CYB5R4: variants seen among roughly 807,000 people sequenced by gnomAD.
The protein encoded by CYB5R4 is cytochrome b5 reductase 4.
In CYB5R4, 55 loss-of-function variants were observed where a neutral mutation model predicts 70.2. The observed-to-expected ratio is 0.78, with a 90% CI of 0.63 to 0.98. CYB5R4 has a LOEUF of 0.98. CYB5R4 is among the 50% of genes least tolerant of loss of function. The pLI is 0.00. For missense variants in CYB5R4, 562 were observed against 612.6 expected, an observed-to-expected ratio of 0.92 and a Z score of 0.87; for synonymous variants, 197 against 199.5, an observed-to-expected ratio of 0.99 and a Z score of 0.11.
intron 9 of CYB5R4, 109 bp downstream of exon 9, chr6:83,922,579 C>A: frequency 1.3e-6 from 1 of 759,562 alleles, no homozygotes; most frequent in Non-Finnish European, 2.2e-6. Context: ...TTTTTCATGT[C>A]TATATTTTCA....
intron 3 of CYB5R4, among the ~76,000 whole-genome samples, chr6:83,901,881 CT>C (rs199730508): frequency 1.5e-4 from 22 of 147,348 alleles, no homozygotes; most frequent in South Asian, 2.2e-4. Context: ...AATGGGATTA[CT>C]TTTTTTTTTA....
chr6:83,949,174 T>C (rs924151499), intron 14 of CYB5R4, among the ~76,000 whole-genome samples: 5 of 149,868 alleles, frequency 3.3e-5, no homozygotes, highest in African/African-American at 1.2e-4. Flanking sequence ...AAAATGACCA[T>C]GCCTGTGTAT....
At chr6:83,897,034 A>G (rs1388092606) in intron 3 of CYB5R4, among the ~76,000 whole-genome samples, 2 of 151,756 alleles carry the variant, frequency 1.3e-5, no homozygotes, top group African/African-American at 2.4e-5. Context: ...ATCATTAGGT[A>G]TATCTCCTAA....
At chr6:83,862,612 G>A (rs1477708321) in intron 1 of CYB5R4, among the ~76,000 whole-genome samples, 1 of 152,206 alleles carries the variant, frequency 6.6e-6, no homozygotes, top group Non-Finnish European at 1.5e-5. Flanking sequence ...AGAACATGGA[G>A]CTAGTACAGT....
At chr6:83,943,466 C>A (rs2099470080) in intron 14 of CYB5R4, among the ~76,000 whole-genome samples, 1 of 151,932 alleles carries the variant, frequency 6.6e-6, no homozygotes, top group African/African-American at 2.4e-5. Context: ...CAAAGGTCAC[C>A]AACAGCAAAG....
At chr6:83,866,244 A>T (rs2099456709) in intron 2 of CYB5R4, among the ~76,000 whole-genome samples, 1 of 152,236 alleles carries the variant, frequency 6.6e-6, no homozygotes, top group Admixed American at 6.5e-5. Context: ...AGACTTTATT[A>T]TTCATATGAT....
intron 2 of CYB5R4, among the ~76,000 whole-genome samples, chr6:83,893,056 T>C (rs2099461372): frequency 6.6e-6 from 1 of 152,196 alleles, no homozygotes; most frequent in South Asian, 2.1e-4. Context: ...ACAGCTTTGC[T>C]TACTCTTCTG....
chr6:83,873,080 G>C (rs926897208), intron 2 of CYB5R4, among the ~76,000 whole-genome samples: 7 of 152,006 alleles, frequency 4.6e-5, no homozygotes, highest in Non-Finnish European at 8.8e-5. Context: ...ACTATATTCA[G>C]CTCTAAAGTT....
intron 14 of CYB5R4, among the ~76,000 whole-genome samples, chr6:83,953,477 C>T (rs1385602996): frequency 6.7e-6 from 1 of 149,990 alleles, no homozygotes; most frequent in African/African-American, 2.5e-5. Flanking sequence ...AGAAAAAAAA[C>T]AAAAAACAAA....
intron 14 of CYB5R4, among the ~76,000 whole-genome samples, chr6:83,945,305 C>T (rs1217473860): frequency 6.6e-6 from 1 of 152,214 alleles, no homozygotes; most frequent in Admixed American, 6.5e-5. Flanking sequence ...ACTGAACAAC[C>T]TGCTCTTGAA....
intron 10 of CYB5R4, among the ~76,000 whole-genome samples, chr6:83,927,541 A>T (rs763893623): frequency 1.6e-4 from 25 of 152,156 alleles, no homozygotes; most frequent in Non-Finnish European, 1.8e-4. Flanking sequence ...AAACTCAGGG[A>T]TACATTTAAG....
intron 14 of CYB5R4, among the ~76,000 whole-genome samples, chr6:83,952,904 C>G (rs1365603252): frequency 6.6e-6 from 1 of 152,066 alleles, no homozygotes; most frequent in Admixed American, 6.6e-5. Flanking sequence ...GTGGCAGTTC[C>G]ATTTAAGTTA....
At chr6:83,863,101 A>C (rs1339933664) in intron 1 of CYB5R4, among the ~76,000 whole-genome samples, 2 of 152,268 alleles carry the variant, frequency 1.3e-5, no homozygotes, top group African/African-American at 2.4e-5. Context: ...TGTTCTGGTC[A>C]AAGTACTAAT....
intron 3 of CYB5R4, among the ~76,000 whole-genome samples, chr6:83,900,356 T>G (rs1287765923): frequency 6.6e-6 from 1 of 152,194 alleles, no homozygotes; most frequent in African/African-American, 2.4e-5. Flanking sequence ...TTCTGTTCTT[T>G]TACTTTTGCT....
At position 83,963,898 on chromosome 6, in the gene CYB5R4, A is replaced by C. The variant is rs1042461689; in HGVS notation, c.*4020A>C. ...GGGCAGTTTCCCTCATACTGTTCTC[A>C]TGGTAGTGAATAACTCTCACAAGAC... is the stretch of plus-strand genomic sequence containing the variant. On this transcript the variant is annotated 3_prime_UTR_variant, in exon 16 of 16. Transcript: ENST00000369681. The C allele has an allele frequency of 1.2e-5, 2 of 167,342 alleles. No homozygotes were observed. The highest frequency in any genetic ancestry group is 1.3e-4 in the Admixed American group (2 of 15,780). The allele number at this position is 167,342 out of a possible 1,614,324, so 10.4% of individuals were successfully genotyped here. A position where few individuals can be genotyped will look rare whatever the true frequency, so the allele number is the denominator to read the frequency against.
chr6:83,929,542 A>G (rs1318989340), intron 10 of CYB5R4: 1 of 152,062 alleles, frequency 6.6e-6, no homozygotes, highest in Non-Finnish European at 1.5e-5. Flanking sequence ...AATTGAACCA[A>G]TATGATTTAT....
intron 14 of CYB5R4, among the ~76,000 whole-genome samples, chr6:83,942,891 T>G (rs371185752): frequency 6.6e-6 from 1 of 152,158 alleles, no homozygotes; most frequent in African/African-American, 2.4e-5. Context: ...CGAAAAGCCA[T>G]GATAGCCAGA....
At chr6:83,880,388 A>G (rs1166995200) in intron 2 of CYB5R4, among the ~76,000 whole-genome samples, 1 of 152,024 alleles carries the variant, frequency 6.6e-6, no homozygotes, top group Non-Finnish European at 1.5e-5. Context: ...CAGCAAAGGT[A>G]GTTAAGTGCT....
chr6:83,946,793 T>C (rs1562845977), intron 14 of CYB5R4, among the ~76,000 whole-genome samples: 1 of 152,092 alleles, frequency 6.6e-6, no homozygotes, highest in Non-Finnish European at 1.5e-5. Context: ...AGCGAAATCA[T>C]GAGTGAACTC....
Sources: allele counts gnomAD v4.1 joint callset (sites outside exome capture counted in the v4.1 genomes callset), GRCh38; gene constraint gnomAD v4.1.1; transcripts MANE v1.5; gene names NCBI Gene and HGNC (gene_info 2026-07-23, HGNC 2026-07-21).